The following SFMBT1 variants were observed in gnomAD, a reference collection of about 807,000 sequenced individuals.
SFMBT1 encodes scm-like with four MBT domains protein 1.
Under a neutral mutation model 108.7 loss-of-function variants are expected in SFMBT1, and 32 were observed. That is an observed-to-expected ratio of 0.29 (90% CI 0.22 to 0.40). The LOEUF is 0.40. SFMBT1 is among the 10% of genes least tolerant of loss of function. SFMBT1 has a pLI of 1.00. For missense variants in SFMBT1, 816 were observed against 1,059.6 expected, an observed-to-expected ratio of 0.77 and a Z score of 3.19; for synonymous variants, 348 against 369.5, an observed-to-expected ratio of 0.94 and a Z score of 0.67.
intron 5 of SFMBT1, 87 bp downstream of exon 5, chr3:52,934,726 C>T: frequency 9.4e-7 from 1 of 1,062,292 alleles, no homozygotes; most frequent in Non-Finnish European, 1.4e-6. Context: ...TTATTTTCTT[C>T]AGAGTGGTAA....
At chr3:52,908,801 C>T (rs1285600671) in intron 17 of SFMBT1, among the ~76,000 whole-genome samples, 2 of 151,936 alleles carry the variant, frequency 1.3e-5, no homozygotes, top group Non-Finnish European at 2.9e-5. Flanking sequence ...GAACTCCTGA[C>T]CTCAGGTGAT....
At chr3:53,032,636 G>A (rs981203573) in intron 1 of SFMBT1, among the ~76,000 whole-genome samples, 10 of 152,180 alleles carry the variant, frequency 6.6e-5, no homozygotes, top group African/African-American at 2.2e-4. Context: ...ATTATAAGTG[G>A]ATATGTTGCA....
chr3:52,998,274 C>A (rs1698411489), intron 1 of SFMBT1, among the ~76,000 whole-genome samples: 1 of 150,030 alleles, frequency 6.7e-6, no homozygotes, highest in Non-Finnish European at 1.5e-5. Context: ...CGCCTGTAGT[C>A]CCAGCTACTC....
chr3:52,960,616 G>GATCTATCT (rs35638922), intron 2 of SFMBT1, among the ~76,000 whole-genome samples: 2,304 of 150,700 alleles, frequency 0.015, 66 homozygotes, highest in African/African-American at 0.052. Context: ...ATTATCATAT[G>GATCTATCT]ATCTATCTAT....
At chr3:52,962,576 T>G (rs1250916674) in intron 2 of SFMBT1, among the ~76,000 whole-genome samples, 1 of 151,922 alleles carries the variant, frequency 6.6e-6, no homozygotes. Context: ...GAGGCCGAGG[T>G]GGGTGGATCA....
chr3:53,029,000 G>A (rs1459139452), intron 1 of SFMBT1, among the ~76,000 whole-genome samples: 6 of 151,854 alleles, frequency 4.0e-5, no homozygotes, highest in East Asian at 1.9e-4. Context: ...GTGAAACCCC[G>A]TCTCTTCTAA....
chr3:53,024,004 T>C (rs1488075743), intron 1 of SFMBT1, among the ~76,000 whole-genome samples: 1 of 152,146 alleles, frequency 6.6e-6, no homozygotes, highest in Non-Finnish European at 1.5e-5. Context: ...GCAGATATAG[T>C]AGGAAACAAC....
At chr3:52,994,243 GAAGAT>G (rs1575425631) in intron 1 of SFMBT1, among the ~76,000 whole-genome samples, 1 of 150,344 alleles carries the variant, frequency 6.7e-6, no homozygotes, top group East Asian at 1.9e-4. Context: ...TCACAAAACA[GAAGAT>G]AAGGACAAGT....
intron 14 of SFMBT1, among the ~76,000 whole-genome samples, chr3:52,915,084 G>C (rs1335844188): frequency 8.5e-5 from 13 of 152,280 alleles, no homozygotes; most frequent in Non-Finnish European, 2.9e-5. Flanking sequence ...GCTCCCAGTG[G>C]AACTAGAAGA....
rs961593192 is a variant in SFMBT1, at chr3:52,930,970, C to T, written c.766G>A (p.Glu256Lys). The change falls in exon 7 of 21, where the codon GAA becomes AAA. Residue 256 changes from glutamate (E) to lysine (K), a missense_variant. Physicochemically the swap from Glu to Lys is moderately conservative, Grantham distance 56. Transcript: ENST00000394752. Reference protein sequence around the residue: ...EILAKVKEEEEEPLPSYLFKD... With the variant: ...EILAKVKEEEKEPLPSYLFKD... ...AATAAGTAAGATGGTAATGGCTCTT[C>T]CTCTTCCTCTTTCACTTTGGCCAAA... 3.7e-6 allele frequency: 6 copies of T among 1,613,856 alleles called. No individual in the cohort carries two copies. Among genetic ancestry groups the T allele is most frequent in the Admixed American group, 1.7e-5 (1 of 59,986 alleles).
chr3:52,912,608 G>A lies in SFMBT1; in HGVS notation c.1660C>T (p.Arg554Cys), dbSNP rs763030910. 6.8e-6 allele frequency: 11 copies of A among 1,614,058 alleles called. No homozygotes were observed. Among genetic ancestry groups the A allele is most frequent in the Non-Finnish European group, 9.3e-6 (11 of 1,179,964 alleles). Residue 554 changes from arginine to cysteine, a missense_variant, in exon 16 of 21, where the codon CGT (arginine) becomes TGT (cysteine). Physicochemically the swap from Arg to Cys is radical, Grantham distance 180. Coordinates refer to ENST00000394752, the MANE Select transcript of SFMBT1 (RefSeq NM_016329.4). ...LLINAAYKPS[R>C]VLRELQLDKD... ...TCCAGCTGGAGCTCCCGAAGGACACGGCTGGGTTTGTAGGCTGCATTGATA... is the reference window on the plus strand; with the variant it reads ...TCCAGCTGGAGCTCCCGAAGGACACAGCTGGGTTTGTAGGCTGCATTGATA...
At chr3:52,944,347 C>A (rs1479285059) in intron 3 of SFMBT1, among the ~76,000 whole-genome samples, 1 of 151,926 alleles carries the variant, frequency 6.6e-6, no homozygotes, top group Non-Finnish European at 1.5e-5. Context: ...CAGATAGAGA[C>A]AGACAGACAG....
At position 52,904,654 on chromosome 3, in the gene SFMBT1, C is replaced by T. The variant is rs1294653226; in HGVS notation, c.*482G>A. On this transcript the variant is annotated 3_prime_UTR_variant, in exon 21 of 21. Coordinates refer to ENST00000394752, the MANE Select transcript of SFMBT1 (RefSeq NM_016329.4). The stretch of plus-strand genomic sequence containing the variant: ...GTTTTAATTTTAAAAAGTTTAAAAA[C>T]ACAATGACAATGAAGCACTGATATG... 2 of 152,900 alleles carry T rather than the reference C, an allele frequency of 1.3e-5. No homozygotes were observed. Among genetic ancestry groups the T allele is most frequent in the Non-Finnish European group, 2.9e-5 (2 of 68,272 alleles). 9.5% of individuals were successfully genotyped at this position (152,900 alleles called of 1,614,324 possible).
intron 1 of SFMBT1, among the ~76,000 whole-genome samples, chr3:52,993,739 A>T (rs559212043): frequency 6.6e-6 from 1 of 150,606 alleles, no homozygotes; most frequent in South Asian, 2.1e-4. Flanking sequence ...AAAAGAAAAA[A>T]ATAACAGTAA....
At chr3:53,007,053 C>G (rs562887692) in intron 1 of SFMBT1, among the ~76,000 whole-genome samples, 1 of 152,318 alleles carries the variant, frequency 6.6e-6, no homozygotes, top group South Asian at 2.1e-4. Flanking sequence ...GGTCCCTGAT[C>G]CCAGCAGACA....
intron 1 of SFMBT1, chr3:53,043,311 T>A (rs1413158885): frequency 6.6e-6 from 1 of 152,208 alleles, no homozygotes; most frequent in African/African-American, 2.4e-5. Flanking sequence ...ATTTTTTTAA[T>A]CACACCTGAC....
At chr3:52,935,548 A>ATCAG (rs1308204512) in intron 4 of SFMBT1, among the ~76,000 whole-genome samples, 1 of 152,230 alleles carries the variant, frequency 6.6e-6, no homozygotes, top group Admixed American at 6.5e-5. Flanking sequence ...CCAACCAAGG[A>ATCAG]TCAGTTAGAA....
Position 53,041,644 on chromosome 3 carries a change from G to C in SFMBT1, c.-131+4172C>G, listed in dbSNP as rs1700056072. Among the ~76,000 whole-genome samples, 4 of 130,340 alleles carry C rather than the reference G, an allele frequency of 3.1e-5. No individual in the cohort carries two copies. In the Admixed American group the frequency reaches 3.7e-4, roughly 12 times the overall value. The allele number at this position is 130,340 out of a possible 152,430, so 85.5% of individuals were successfully genotyped here. On this transcript the variant is annotated intron_variant, in intron 1 of 20. Transcript: ENST00000394752. Reference sequence around the variant, plus strand: ...ACCCAGGAGGCAGAGGTTGCAGTGAGCCATGATCGTGCCATTGCACTCCAG... The same window carrying C: ...ACCCAGGAGGCAGAGGTTGCAGTGACCCATGATCGTGCCATTGCACTCCAG...
At chr3:52,908,054 G>A (rs184702884) in intron 17 of SFMBT1, among the ~76,000 whole-genome samples, 1 of 149,932 alleles carries the variant, frequency 6.7e-6, no homozygotes, top group Non-Finnish European at 1.5e-5. Flanking sequence ...CACACAGTAA[G>A]CACTTTTTTG....
Sources: gnomAD v4.1 joint callset for allele counts (sites outside exome capture counted in the v4.1 genomes callset) on GRCh38, gnomAD v4.1.1 for gene constraint, MANE v1.5 for transcripts, NCBI Gene and HGNC (gene_info 2026-07-23, HGNC 2026-07-21) for gene names.